The following SLC6A12 variants were observed in gnomAD, a reference collection of about 807,000 sequenced individuals.
The protein encoded by SLC6A12 is sodium- and chloride-dependent betaine transporter.
In SLC6A12, 50 loss-of-function variants were observed where a neutral mutation model predicts 73.3. That is an observed-to-expected ratio of 0.68 (90% CI 0.54 to 0.86). The LOEUF is 0.86. Ranked by LOEUF, SLC6A12 falls within the 40% of genes least tolerant of loss-of-function variation. The probability of loss-of-function intolerance (pLI) is 0.00; values close to 1 mark genes in which losing one functional copy is unlikely to be tolerated. For missense variants in SLC6A12, 648 were observed against 772.8 expected (o/e 0.84, Z 1.92); for synonymous variants, 304 against 309.2 (o/e 0.98, Z 0.18).
At chr12:210,176 A>G in intron 2 of SLC6A12, 133 bp from the exon 3 acceptor site, 1 of 1,254,050 alleles carries the variant, frequency 8.0e-7, no homozygotes, top group Non-Finnish European at 1.1e-6. Context: ...CTAAAGTTCC[A>G]GTTCGTTCTC....
At chr12:208,888 A>G (rs1428670983) in intron 3 of SLC6A12, among the ~76,000 whole-genome samples, 1 of 152,100 alleles carries the variant, frequency 6.6e-6, no homozygotes, top group Admixed American at 6.6e-5. Context: ...GAAAAATAAT[A>G]AAATCATGTT....
chr12:186,720 G>A (rs954667294), downstream of SLC6A12, among the ~76,000 whole-genome samples: 9 of 152,224 alleles, frequency 5.9e-5, no homozygotes, highest in East Asian at 5.8e-4. Flanking sequence ...CCACGTGGGC[G>A]CTGCTGATGT....
rs1333655119 is a variant in SLC6A12, at chr12:190,869, G to A, written c.*199C>T. ...CCCAACATGGCACGTCCCAGTGGTG[G>A]TGTTATCAGCAAAGGGGAAGGAGCT... On this transcript the variant is annotated 3_prime_UTR_variant, in exon 16 of 16. Transcript: ENST00000684302. The A allele has an allele frequency of 7.6e-6, 3 of 395,618 alleles. No individual in the cohort carries two copies. In the South Asian group the frequency reaches 4.2e-4, roughly 56 times the overall value. The allele number at this position is 395,618 out of a possible 1,614,324, so 24.5% of individuals were successfully genotyped here.
In SLC6A12 at chr12:212,090, C is replaced by G. The variant is rs1486803023; in HGVS notation, c.-122G>C. ...TGTGACCTCAGGCAAATCACACCCC[C>G]TCTCTGAACTCTAAGTTTCCCTGGA... is the stretch of plus-strand genomic sequence containing the variant. On this transcript the variant is annotated 5_prime_UTR_variant, in exon 2 of 16. Transcript: ENST00000684302. The G allele has an allele frequency of 6.6e-6, 1 of 152,252 alleles. No homozygotes were observed. The highest frequency in any genetic ancestry group is 1.9e-4 in the East Asian group (1 of 5,198). 9.4% of individuals were successfully genotyped at this position (152,252 alleles called of 1,614,324 possible). A position where few individuals can be genotyped will look rare whatever the true frequency, so the allele number is the denominator to read the frequency against.
intron 7 of SLC6A12, among the ~76,000 whole-genome samples, chr12:200,019 A>T (rs893747843): frequency 8.5e-5 from 13 of 152,196 alleles, no homozygotes; most frequent in Non-Finnish European, 4.4e-5. Context: ...ACACAGCAAA[A>T]ATGAACAGAG....
chr12:196,694 G>C, intron 11 of SLC6A12, 76 bp downstream of exon 11: 1 of 1,030,014 alleles, frequency 9.7e-7, no homozygotes, highest in South Asian at 1.3e-5. Context: ...GGGAGTGAGG[G>C]GAAAGTAGTC....
At chr12:200,236 A>T (rs371571399) in intron 7 of SLC6A12, among the ~76,000 whole-genome samples, 1 of 147,268 alleles carries the variant, frequency 6.8e-6, no homozygotes, top group African/African-American at 2.5e-5. Flanking sequence ...AGCCTCCTGC[A>T]TAGCTGGGAC....
intron 3 of SLC6A12, among the ~76,000 whole-genome samples, chr12:206,264 G>A (rs1220618748): frequency 6.6e-6 from 1 of 152,146 alleles, no homozygotes; most frequent in Non-Finnish European, 1.5e-5. Context: ...CCCCTGGTAG[G>A]TGTGATTCTA....
intron 2 of SLC6A12, chr12:210,432 G>T: frequency 9.5e-7 from 1 of 1,051,952 alleles, no homozygotes. Flanking sequence ...AGGTCAGAAG[G>T]GATCAAAGCC....
At chr12:200,373 G>A (rs530017147) in intron 7 of SLC6A12, among the ~76,000 whole-genome samples, 2 of 152,288 alleles carry the variant, frequency 1.3e-5, no homozygotes, top group Admixed American at 6.5e-5. Context: ...CTCCCAAAGT[G>A]CTGGGATTAC....
chr12:195,217 C>T lies in SLC6A12; in HGVS notation c.1429+8G>A, dbSNP rs778035781. On this transcript the variant is annotated splice_region_variant and intron_variant, in intron 13 of 15. Coordinates refer to ENST00000684302, the MANE Select transcript of SLC6A12 (RefSeq NM_001122848.3). ...CCCTGCTTTCCCACCCCACTCCACC[C>T]CACTCACCATACACCCAGCTTATGC... 4 of 1,577,100 alleles carry T rather than the reference C, an allele frequency of 2.5e-6. No individual in the cohort carries two copies. In the South Asian group the frequency reaches 3.3e-5, roughly 13 times the overall value.
intron 14 of SLC6A12, 36 bp from the exon 15 acceptor site, chr12:192,684 G>C: frequency 6.2e-7 from 1 of 1,604,570 alleles, no homozygotes; most frequent in South Asian, 1.1e-5. Context: ...GGTAAGATAG[G>C]GGGCGACTGA....
At position 198,830 on chromosome 12, in the gene SLC6A12, C is replaced by T. The variant is rs761063757; in HGVS notation, c.813G>A (p.Leu271=). ...PGAYQGIIYY[L]KPDLFRLKDP... is the part of the protein sequence containing the mutation. ...CCTTGAGGCGGAACAAATCTGGCTT[C>T]AAGTAGTAGATGATGCCCTGGTAGG... is the stretch of plus-strand genomic sequence containing the variant. The change falls in exon 8 of 16, where the codon TTG becomes TTA. Residue 271 remains leucine, a synonymous_variant. Coordinates refer to ENST00000684302, the MANE Select transcript of SLC6A12 (RefSeq NM_001122848.3). This position sits in a 1 kb window ranked among gnomAD's most constrained non-coding sequence, Gnocchi z 4.0. 13 of 1,614,058 alleles carry T rather than the reference C, an allele frequency of 8.1e-6. No individual in the cohort carries two copies. Among genetic ancestry groups the T allele is most frequent in the Admixed American group, 1.7e-5 (1 of 60,000 alleles).
rs765255950 is a variant in SLC6A12, at chr12:196,880, G to A, written c.1078C>T (p.Pro360Ser). The A allele has an allele frequency of 1.2e-6, 2 of 1,612,108 alleles. No homozygotes were observed. Among genetic ancestry groups the A allele is most frequent in the East Asian group, 2.2e-5 (1 of 44,856 alleles). Residue 360 changes from proline (P) to serine (S), a missense_variant and splice_region_variant, in exon 11 of 16, where the codon CCT (proline) becomes TCT (serine). Coordinates refer to ENST00000684302, the MANE Select transcript of SLC6A12 (RefSeq NM_001122848.3). ...GGGAAGGCGATGAAGGCCAGCCCAG[G>A]ACCTGCCAGGTACACAGCACAGTCA... ...VPISEVAESGPGLAFIAFPKA... is the reference protein window; with the variant it reads ...VPISEVAESGSGLAFIAFPKA...
chr12:199,758 T>C (rs1349078268), intron 7 of SLC6A12: 1 of 152,156 alleles, frequency 6.6e-6, no homozygotes, highest in Non-Finnish European at 1.5e-5. Context: ...GGGTTGGAAA[T>C]AATGCTCAAA....
intron 6 of SLC6A12, chr12:201,237 A>C: frequency 5.1e-6 from 1 of 195,610 alleles, no homozygotes; most frequent in Non-Finnish European, 1.0e-5. Flanking sequence ...CGTGGGGGTT[A>C]GCTCAGTGTG....
At chr12:187,678 G>A (rs1304443637), downstream of SLC6A12, among the ~76,000 whole-genome samples, 15 of 143,838 alleles carry the variant, frequency 1.0e-4, no homozygotes, top group African/African-American at 2.4e-4. Flanking sequence ...ACCCCAGCGG[G>A]TTACCACTAG....
intron 12 of SLC6A12, 77 bp downstream of exon 12, chr12:196,047 C>G: frequency 2.2e-6 from 3 of 1,390,812 alleles, no homozygotes; most frequent in Non-Finnish European, 2.0e-6. Context: ...AAAAGTGAGG[C>G]TCTGAGCAGG....
intron 3 of SLC6A12, among the ~76,000 whole-genome samples, chr12:209,040 G>T (rs1687718080): frequency 6.6e-6 from 1 of 152,008 alleles, no homozygotes; most frequent in Non-Finnish European, 1.5e-5. Flanking sequence ...TGACCTCTCT[G>T]CCCTCACCCG....
Sources: allele counts gnomAD v4.1 joint callset (sites outside exome capture counted in the v4.1 genomes callset), GRCh38; gene constraint gnomAD v4.1.1; non-coding constraint Gnocchi (gnomAD v3.1); transcripts MANE v1.5; gene names NCBI Gene and HGNC (gene_info 2026-07-23, HGNC 2026-07-21).